APBA1: variants seen among roughly 807,000 people sequenced by gnomAD.
APBA1 encodes the protein amyloid-beta A4 precursor protein-binding family A member 1.
APBA1 carries 55 observed loss-of-function variants against 86.6 expected under a neutral mutation model. That is an observed-to-expected ratio of 0.64 (90% confidence interval 0.51 to 0.80). The LOEUF (loss-of-function observed/expected upper bound fraction) is 0.80. Ranked by LOEUF, APBA1 falls within the 30% of genes least tolerant of loss-of-function variation. APBA1 has a pLI of 0.00. For synonymous variants in APBA1, 511 were observed against 493.9 expected (o/e 1.03, Z -0.46); for missense variants, 1,090 against 1,183.0 (o/e 0.92, Z 1.15).
chr9:69,651,501 G>C (rs1413362665), intron 1 of APBA1, among the ~76,000 whole-genome samples: 1 of 151,516 alleles, frequency 6.6e-6, no homozygotes, highest in Non-Finnish European at 1.5e-5. Flanking sequence ...TTGAGACTGA[G>C]TTTCACTCTT....
chr9:69,533,358 A>T (rs929432520), intron 1 of APBA1, among the ~76,000 whole-genome samples: 1 of 152,156 alleles, frequency 6.6e-6, no homozygotes, highest in South Asian at 2.1e-4. Context: ...TGAGCCTATT[A>T]AAAAAACCAA....
chr9:69,491,461 G>C (rs1364623512), intron 2 of APBA1, among the ~76,000 whole-genome samples: 2 of 151,944 alleles, frequency 1.3e-5, no homozygotes, highest in Non-Finnish European at 2.9e-5. Flanking sequence ...GTCATGGGGT[G>C]GGGGGAGGTG....
At chr9:69,571,014 G>A (rs373839382) in intron 1 of APBA1, among the ~76,000 whole-genome samples, 4 of 152,112 alleles carry the variant, frequency 2.6e-5, no homozygotes, top group Admixed American at 6.5e-5. Context: ...TCAGATAGGC[G>A]TGGATGGTGG....
intron 2 of APBA1, among the ~76,000 whole-genome samples, chr9:69,481,553 A>G (rs1835508734): frequency 6.6e-6 from 1 of 151,626 alleles, no homozygotes; most frequent in Non-Finnish European, 1.5e-5. Flanking sequence ...GCCCAAGGTA[A>G]TTTACAGATT....
At chr9:69,453,519 T>C (rs1036595708) in intron 8 of APBA1, among the ~76,000 whole-genome samples, 2 of 152,224 alleles carry the variant, frequency 1.3e-5, no homozygotes, top group Non-Finnish European at 2.9e-5. Context: ...CAGTAAATGC[T>C]ATACAAGGTA....
Position 69,472,229 on chromosome 9 carries a change from G to A in APBA1, c.1297-534C>T, listed in dbSNP as rs1303598902. On this transcript the variant is annotated intron_variant, in intron 3 of 12. Transcript: ENST00000265381. ...TCCATTATATAAATCATTATTGTGT[G>A]TTATCTGAATAAGAACACAACAAAG... is the stretch of plus-strand genomic sequence containing the variant. Among the ~76,000 whole-genome samples the A allele has an allele frequency of 3.3e-5, 5 of 152,166 alleles. No individual in the cohort carries two copies. The East Asian group carries it at 9.6e-4, about 29-fold the overall frequency.
In APBA1 at chr9:69,436,904, C is replaced by T. The variant is rs552144519; in HGVS notation, c.2301+4092G>A. Among the ~76,000 whole-genome samples, 6 of 151,960 alleles carry T rather than the reference C, an allele frequency of 3.9e-5. No individual in the cohort carries two copies. The East Asian group carries it at 1.2e-3, about 30-fold the overall frequency. ...TTTTGTCCATTCGGTATGATATTGG[C>T]TGTGGGTTTGTCATAGATAGCTCTT... is the stretch of plus-strand genomic sequence containing the variant. On this transcript the variant is annotated intron_variant, in intron 11 of 12. Transcript: ENST00000265381.
intron 1 of APBA1, among the ~76,000 whole-genome samples, chr9:69,568,524 G>C (rs1376037926): frequency 6.6e-6 from 1 of 152,130 alleles, no homozygotes; most frequent in Non-Finnish European, 1.5e-5. Context: ...CCCAGGCTTT[G>C]GTTGCCTCTA....
intron 1 of APBA1, among the ~76,000 whole-genome samples, chr9:69,582,466 G>A (rs1226612772): frequency 6.6e-6 from 1 of 152,066 alleles, no homozygotes; most frequent in Non-Finnish European, 1.5e-5. Context: ...GTGCAAACTG[G>A]GTATTCTTGC....
At chr9:69,649,848 G>T (rs1037914577) in intron 1 of APBA1, among the ~76,000 whole-genome samples, 1 of 152,092 alleles carries the variant, frequency 6.6e-6, no homozygotes, top group Non-Finnish European at 1.5e-5. Flanking sequence ...GCTTAAAAGT[G>T]GGGGTAGGGT....
intron 11 of APBA1, among the ~76,000 whole-genome samples, chr9:69,437,020 A>G (rs1356088862): frequency 1.3e-5 from 2 of 152,130 alleles, no homozygotes; most frequent in African/African-American, 4.8e-5. Context: ...CCTTTTCTGC[A>G]TCTATTGAGA....
At chr9:69,447,986 G>A (rs1186991849) in intron 10 of APBA1, among the ~76,000 whole-genome samples, 1 of 152,060 alleles carries the variant, frequency 6.6e-6, no homozygotes, top group Non-Finnish European at 1.5e-5. Context: ...TGGCAGGAGC[G>A]ACTTGTGGTC....
chr9:69,656,850 T>TA (rs1823622194), intron 1 of APBA1, among the ~76,000 whole-genome samples: 1 of 151,220 alleles, frequency 6.6e-6, no homozygotes, highest in Non-Finnish European at 1.5e-5. Flanking sequence ...TTTTTTTTTT[T>TA]TTTTTTGAGA....
At chr9:69,510,466 G>T (rs1836015359) in intron 2 of APBA1, among the ~76,000 whole-genome samples, 1 of 137,358 alleles carries the variant, frequency 7.3e-6, no homozygotes, top group Non-Finnish European at 1.6e-5. Flanking sequence ...TGGGTAGGAA[G>T]AATCAATATC....
At chr9:69,496,211 C>G (rs1320931267) in intron 2 of APBA1, among the ~76,000 whole-genome samples, 2 of 152,068 alleles carry the variant, frequency 1.3e-5, no homozygotes, top group Non-Finnish European at 2.9e-5. Context: ...GAGACGCCCC[C>G]AGAGCTAATC....
At chr9:69,451,219 G>A (rs1835003276) in intron 9 of APBA1, among the ~76,000 whole-genome samples, 1 of 152,136 alleles carries the variant, frequency 6.6e-6, no homozygotes, top group Non-Finnish European at 1.5e-5. Flanking sequence ...TCATGTCCAA[G>A]GGACCACACC....
In APBA1 at chr9:69,563,848, T is replaced by A. The variant is rs1295291243; in HGVS notation, c.-69-46569A>T. On this transcript the variant is annotated intron_variant, in intron 1 of 12. Transcript: ENST00000265381. ...ATTATTTCCATAGCACTCACTGACTTTTGTCAGTGTAAAGTCTCTGGGATA... is the reference window on the plus strand; with the variant it reads ...ATTATTTCCATAGCACTCACTGACTATTGTCAGTGTAAAGTCTCTGGGATA... Among the ~76,000 whole-genome samples, 4 of 152,108 alleles carry A rather than the reference T, an allele frequency of 2.6e-5. 1 individual carries two copies. Among genetic ancestry groups the A allele is most frequent in the Non-Finnish European group, 5.9e-5 (4 of 68,004 alleles).
At chr9:69,631,482 C>G (rs1034175542) in intron 1 of APBA1, among the ~76,000 whole-genome samples, 1 of 152,168 alleles carries the variant, frequency 6.6e-6, no homozygotes, top group African/African-American at 2.4e-5. Context: ...TTCAACCATT[C>G]TGGAAGACAG....
intron 1 of APBA1, among the ~76,000 whole-genome samples, chr9:69,668,207 C>A (rs927335314): frequency 1.3e-5 from 2 of 152,148 alleles, no homozygotes; most frequent in Non-Finnish European, 2.9e-5. Context: ...GTAGCTCTAA[C>A]CTCCCTCTGT....
Sources: gnomAD v4.1 joint callset for allele counts (sites outside exome capture counted in the v4.1 genomes callset) on GRCh38, gnomAD v4.1.1 for gene constraint, MANE v1.5 for transcripts, NCBI Gene and HGNC (gene_info 2026-07-23, HGNC 2026-07-21) for gene names.